The following EIF4G3 variants were observed in gnomAD, a reference collection of about 807,000 sequenced individuals.
The protein encoded by EIF4G3 is eukaryotic translation initiation factor 4 gamma 3, also known as eIF-4-gamma 3.
Under a neutral mutation model 186.4 loss-of-function variants are expected in EIF4G3, and 34 were observed. The observed-to-expected ratio is 0.18, with a 90% CI of 0.14 to 0.24. The LOEUF (loss-of-function observed/expected upper bound fraction) is 0.24. EIF4G3 is among the 10% of genes least tolerant of loss of function. The probability of loss-of-function intolerance (pLI) is 1.00; values close to 1 mark genes in which losing one functional copy is unlikely to be tolerated. For missense variants in EIF4G3, 1,536 were observed against 1,948.5 expected, an observed-to-expected ratio of 0.79 and a Z score of 3.99; for synonymous variants, 673 against 679.5, an observed-to-expected ratio of 0.99 and a Z score of 0.15.
intron 20 of EIF4G3, among the ~76,000 whole-genome samples, chr1:20,877,988 C>T (rs537367239): frequency 1.1e-4 from 17 of 152,170 alleles, no homozygotes; most frequent in African/African-American, 3.1e-4. Flanking sequence ...GGATTACAGG[C>T]GCACGCTACC....
intron 3 of EIF4G3, among the ~76,000 whole-genome samples, chr1:21,088,934 T>C (rs1052660920): frequency 1.3e-5 from 2 of 152,056 alleles, no homozygotes; most frequent in African/African-American, 4.8e-5. Flanking sequence ...ATAAGACAGG[T>C]CTCTCTATCT....
chr1:21,118,366 T>C (rs1343681913), intron 2 of EIF4G3, among the ~76,000 whole-genome samples: 1 of 152,206 alleles, frequency 6.6e-6, no homozygotes, highest in Non-Finnish European at 1.5e-5. Context: ...GAAACTGTCA[T>C]AGTTTAATTA....
chr1:21,163,981 C>T (rs2097808966), intron 2 of EIF4G3, among the ~76,000 whole-genome samples: 2 of 152,040 alleles, frequency 1.3e-5, no homozygotes, highest in African/African-American at 4.8e-5. Flanking sequence ...TCCATGTCGG[C>T]CAGGCTGGTC....
chr1:20,858,149 T>C (rs1009185952), intron 24 of EIF4G3, among the ~76,000 whole-genome samples: 6 of 152,220 alleles, frequency 3.9e-5, no homozygotes, highest in Non-Finnish European at 7.4e-5. Context: ...GCAGCCAGTG[T>C]GATCCTAGTA....
intron 20 of EIF4G3, among the ~76,000 whole-genome samples, chr1:20,874,563 G>A (rs755272206): frequency 6.6e-6 from 1 of 152,074 alleles, no homozygotes; most frequent in Non-Finnish European, 1.5e-5. Context: ...TTATTAGGCT[G>A]TTTTTTTCCT....
Position 21,159,058 on chromosome 1 carries a change from T to C in EIF4G3, c.-272+17117A>G, listed in dbSNP as rs533331592. On this transcript the variant is annotated intron_variant, in intron 2 of 36. Transcript: ENST00000602326. ...CTTTTATCTGCAATATAAGAAGGAA[T>C]CCTTTCTAACTCTAATAACATATTA... Among the ~76,000 whole-genome samples, 68 of 152,116 alleles carry C rather than the reference T, an allele frequency of 4.5e-4. No individual in the cohort carries two copies. The South Asian group carries it at 5.8e-3, about 13-fold the overall frequency.
At chr1:20,809,090 C>G (rs1022915975) in intron 36 of EIF4G3, among the ~76,000 whole-genome samples, 8 of 152,056 alleles carry the variant, frequency 5.3e-5, no homozygotes, top group African/African-American at 1.9e-4. Flanking sequence ...TCTCCTGCCT[C>G]AGCCTCCCAA....
intron 3 of EIF4G3, among the ~76,000 whole-genome samples, chr1:21,063,723 G>GTTGC (rs2095067867): frequency 1.7e-5 from 2 of 120,764 alleles, no homozygotes; most frequent in Non-Finnish European, 1.8e-5. Context: ...GGGGTGTTGG[G>GTTGC]GGGGGGGACG....
rs1281676813 is a variant in EIF4G3 at position 21,094,109 on chromosome 1, AT to A, written c.-271-4897del. Among the ~76,000 whole-genome samples, 327 of 148,382 alleles carry A rather than the reference AT, an allele frequency of 2.2e-3. 4 individuals are homozygous for A. The highest frequency in any genetic ancestry group is 6.5e-3 in the East Asian group (33 of 5,052). On this transcript the variant is annotated intron_variant, in intron 2 of 36. Transcript: ENST00000602326. ...TAAAACTTAAAGTATAATAAAAAAAATTTTTTTTTTTTTTTAAAAAAAGCCA... is the reference window on the plus strand; with the variant it reads ...TAAAACTTAAAGTATAATAAAAAAAATTTTTTTTTTTTTTAAAAAAAGCCA...
intron 4 of EIF4G3, among the ~76,000 whole-genome samples, chr1:21,021,048 A>T (rs991118233): frequency 6.6e-6 from 1 of 152,080 alleles, no homozygotes; most frequent in Non-Finnish European, 1.5e-5. Flanking sequence ...CAGTGGTGAG[A>T]CCTTTGTTCA....
intron 4 of EIF4G3, among the ~76,000 whole-genome samples, chr1:21,032,335 A>G (rs1189855987): frequency 6.6e-6 from 1 of 152,180 alleles, no homozygotes; most frequent in East Asian, 1.9e-4. Context: ...CTCATCTAAT[A>G]AATTAAAAAA....
At chr1:20,961,547 T>C (rs2154564676) in intron 12 of EIF4G3, among the ~76,000 whole-genome samples, 1 of 152,358 alleles carries the variant, frequency 6.6e-6, no homozygotes, top group South Asian at 2.1e-4. Context: ...AAATGTACAA[T>C]GGATTATCGT....
intron 4 of EIF4G3, among the ~76,000 whole-genome samples, chr1:21,017,675 C>A (rs1167786846): frequency 6.9e-6 from 1 of 145,488 alleles, no homozygotes; most frequent in Admixed American, 6.9e-5. Flanking sequence ...GTCCTTAATC[C>A]AAATGCTCCA....
chr1:21,051,908 A>C (rs930440912), intron 3 of EIF4G3, among the ~76,000 whole-genome samples: 12 of 152,016 alleles, frequency 7.9e-5, no homozygotes, highest in African/African-American at 2.9e-4. Flanking sequence ...AAATATACAT[A>C]TACATACACA....
rs1191244707 is a variant in EIF4G3 at position 20,984,591 on chromosome 1, CA to C, written c.178-2184del. 2.6e-3 allele frequency among the ~76,000 whole-genome samples: 313 copies of C among 121,266 alleles called. 1 individual carries two copies. The highest frequency in any genetic ancestry group is 4.4e-3 in the Middle Eastern group (1 of 228). The allele number at this position is 121,266 out of a possible 152,430, so 79.6% of individuals were successfully genotyped here. On this transcript the variant is annotated intron_variant, in intron 7 of 36. Coordinates refer to ENST00000602326, the MANE Select transcript of EIF4G3 (RefSeq NM_001391906.1). ...ACACACACACACACACACATATATA[CA>C]CTTTTTTTTTTTTTTGAGACGGAGT... is the stretch of plus-strand genomic sequence containing the variant.
chr1:20,895,363 C>T lies in EIF4G3; in HGVS notation c.2133+5G>A, dbSNP rs748066331. 1.2e-5 allele frequency: 19 copies of T among 1,612,826 alleles called. No individual in the cohort carries two copies. In the South Asian group the frequency reaches 1.9e-4, roughly 16 times the overall value. On this transcript the variant is annotated splice_donor_5th_base_variant and intron_variant, in intron 17 of 36. Transcript: ENST00000602326. ...GAACTAGTTTTCTCTGAGTACGCAG[C>T]TTACCTTGTCAAGAACCACATCACT...
At chr1:20,834,735 T>C (rs1234361925) in intron 30 of EIF4G3, among the ~76,000 whole-genome samples, 2 of 152,096 alleles carry the variant, frequency 1.3e-5, no homozygotes, top group Non-Finnish European at 2.9e-5. Context: ...CCTAAAAACA[T>C]AGGGCAATTG....
rs1417344926 is a variant in EIF4G3, at chr1:20,806,623, G to A, written c.*696C>T. Reference sequence around the variant, plus strand: ...TAAAGTTGCTCTAAAGATTTCAAGAGTATTAAGAGTACTTTTCTCAGGGTA... The same window carrying A: ...TAAAGTTGCTCTAAAGATTTCAAGAATATTAAGAGTACTTTTCTCAGGGTA... On this transcript the variant is annotated 3_prime_UTR_variant, in exon 37 of 37. Coordinates refer to ENST00000602326, the MANE Select transcript of EIF4G3 (RefSeq NM_001391906.1). 2 of 150,418 alleles carry A rather than the reference G, an allele frequency of 1.3e-5. No individual in the cohort carries two copies. Among genetic ancestry groups the A allele is most frequent in the Non-Finnish European group, 1.5e-5 (1 of 67,710 alleles). The allele number at this position is 150,418 out of a possible 1,614,324, so 9.3% of individuals were successfully genotyped here. A position where few individuals can be genotyped will look rare whatever the true frequency, so the allele number is the denominator to read the frequency against.
At chr1:21,148,726 A>G (rs1338509023) in intron 2 of EIF4G3, among the ~76,000 whole-genome samples, 1 of 150,294 alleles carries the variant, frequency 6.7e-6, no homozygotes, top group Non-Finnish European at 1.5e-5. Context: ...AAAAAAAAAA[A>G]GTGCATGTCT....
Sources: allele counts gnomAD v4.1 joint callset (sites outside exome capture counted in the v4.1 genomes callset), GRCh38; gene constraint gnomAD v4.1.1; transcripts MANE v1.5; gene names NCBI Gene and HGNC (gene_info 2026-07-23, HGNC 2026-07-21).